MEX3D: variants seen among roughly 807,000 people sequenced by gnomAD.
MEX3D encodes the protein mex-3 RNA binding family member D.
In MEX3D, 4 loss-of-function variants were observed where a neutral mutation model predicts 6.3. The ratio of observed to expected loss-of-function variants is 0.64; its 90% CI spans 0.31 to 1.46. MEX3D has a LOEUF of 1.46. Among genes scored for constraint, MEX3D ranks in the 40% most tolerant of loss-of-function variants. The pLI is 0.07. For synonymous variants in MEX3D, 626 were observed against 494.1 expected, an observed-to-expected ratio of 1.27 and a Z score of -3.54; for missense variants, 1,038 against 994.4, an observed-to-expected ratio of 1.04 and a Z score of -0.59.
Position 1,556,244 on chromosome 19 carries a change from G to A in MEX3D, c.1275C>T (p.Ser425=), listed in dbSNP as rs939556290. The change falls in exon 2 of 2, where the codon AGC becomes AGT. Residue 425 remains serine, a synonymous_variant. Transcript: ENST00000402693. The surrounding 1 kb of genome is among the most constrained non-coding windows in gnomAD (Gnocchi z 7.5). ...AGGCGAAGCCCCCGTTGCCGGAGCC[G>A]CTGTAGGGGCTGGCGGGGCCTGGGT... ...VPDPGPASPY[S]GSGNGGFAFG... 43 of 1,376,298 alleles carry A rather than the reference G, an allele frequency of 3.1e-5. No individual in the cohort carries two copies. The highest frequency in any genetic ancestry group is 6.7e-5 in the Admixed American group (2 of 29,994). The allele number at this position is 1,376,298 out of a possible 1,614,324, so 85.3% of individuals were successfully genotyped here.
intron 1 of MEX3D, among the ~76,000 whole-genome samples, chr19:1,565,646 C>T (rs78374957): frequency 0.06 from 9,103 of 152,258 alleles, 404 homozygotes; most frequent in East Asian, 0.22. Context: ...CGCAGGGCCA[C>T]GGCGGCCTGC....
At position 1,556,237 on chromosome 19, in the gene MEX3D, C is replaced by T. The variant is rs1378353879; in HGVS notation, c.1282G>A (p.Gly428Ser). 7.2e-7 allele frequency: 1 copy of T among 1,396,864 alleles called. No individual in the cohort carries two copies. The highest frequency in any genetic ancestry group is 9.3e-7 in the Non-Finnish European group (1 of 1,076,856). The allele number at this position is 1,396,864 out of a possible 1,614,324, so 86.5% of individuals were successfully genotyped here. The change falls in exon 2 of 2, where the codon GGC (glycine) becomes AGC (serine). Residue 428 changes from glycine (G) to serine (S), a missense_variant. By Grantham distance (56) the Gly-to-Ser change is moderately conservative. This residue lies in a region of MEX3D where 581 missense variants were observed against 516.2 expected (regional missense o/e 1.13). Transcript: ENST00000402693. This position sits in a 1 kb window ranked among gnomAD's most constrained non-coding sequence, Gnocchi z 7.5. Reference sequence around the variant, plus strand: ...GCGCCGAAGGCGAAGCCCCCGTTGCCGGAGCCGCTGTAGGGGCTGGCGGGG... The same window carrying T: ...GCGCCGAAGGCGAAGCCCCCGTTGCTGGAGCCGCTGTAGGGGCTGGCGGGG... ...PGPASPYSGS[G>S]NGGFAFGAEG... is the part of the protein sequence containing the mutation.
In MEX3D at chr19:1,557,829, C is replaced by CCAG. The variant is rs1232485873; in HGVS notation, c.596-909_596-907dup. Among the ~76,000 whole-genome samples, 4 of 127,802 alleles carry CCAG rather than the reference C, an allele frequency of 3.1e-5. No homozygotes were observed. In the East Asian group the frequency reaches 9.1e-4, roughly 29 times the overall value. 83.8% of individuals were successfully genotyped at this position (127,802 alleles called of 152,430 possible). On this transcript the variant is annotated intron_variant, in intron 1 of 1. Transcript: ENST00000402693. ...AGCCGAGATCGCACACCATTGCACT[C>CCAG]CAGCCTGGGTGACAGAGCGAGACTG...
rs1159684115 is a variant in MEX3D, at chr19:1,555,335, T to C, written c.*228A>G. The C allele has an allele frequency of 4.4e-6, 7 of 1,599,884 alleles. No individual in the cohort carries two copies. The highest frequency in any genetic ancestry group is 1.1e-5 in the South Asian group (1 of 90,140). On this transcript the variant is annotated 3_prime_UTR_variant, in exon 2 of 2. Transcript: ENST00000402693. ...GGTTTATTGTAACCTGACCACTCAA[T>C]ACTGTCGTTGAAGGGCTGAGGCGCC...
rs1247849401 is a variant in MEX3D, at chr19:1,556,898, G to A, written c.621C>T (p.Ala207=). 5 of 1,609,002 alleles carry A rather than the reference G, an allele frequency of 3.1e-6. No homozygotes were observed. The Admixed American group carries it at 8.4e-5, about 27-fold the overall frequency. ...RQGCKIKALR[A]KTNTYIKTPV... is the part of the protein sequence containing the mutation. ...GGGTCTTGATGTAGGTGTTTGTCTT[G>A]GCCCGCAGGGCCTTGATCTTGCAGC... Residue 207 remains alanine, a synonymous_variant, in exon 2 of 2, where the codon GCC becomes GCT. Coordinates refer to ENST00000402693, the MANE Select transcript of MEX3D (RefSeq NM_203304.4). This position sits in a 1 kb window ranked among gnomAD's most constrained non-coding sequence, Gnocchi z 7.5.
intron 1 of MEX3D, among the ~76,000 whole-genome samples, chr19:1,558,530 T>A (rs1413740937): frequency 6.6e-6 from 1 of 152,130 alleles, no homozygotes; most frequent in East Asian, 1.9e-4. Flanking sequence ...TTGGAACTTT[T>A]ATCTTACAGA....
intron 1 of MEX3D, among the ~76,000 whole-genome samples, chr19:1,558,182 G>A (rs1204895309): frequency 6.6e-6 from 1 of 151,452 alleles, no homozygotes; most frequent in Admixed American, 6.6e-5. Context: ...CAACACAGCA[G>A]GACCCCATCT....
At position 1,555,437 on chromosome 19, in the gene MEX3D, C is replaced by A; in HGVS notation, c.*126G>T. 1 of 1,472,074 alleles carries A rather than the reference C, an allele frequency of 6.8e-7. No homozygotes were observed. Among genetic ancestry groups the A allele is most frequent in the Non-Finnish European group, 9.1e-7 (1 of 1,095,624 alleles). 91.2% of individuals were successfully genotyped at this position (1,472,074 alleles called of 1,614,324 possible). ...TCTGTAAACACTGGCCGCCGCCCAC[C>A]CCCCTGCCCCCTCGGCCTCCGCCCC... On this transcript the variant is annotated 3_prime_UTR_variant, in exon 2 of 2. Coordinates refer to ENST00000402693, the MANE Select transcript of MEX3D (RefSeq NM_203304.4).
Position 1,556,535 on chromosome 19 carries a change from G to A in MEX3D, c.984C>T (p.Asp328=). ...FAVTGMPENV[D]RAREEIEAHI... is the part of the protein sequence containing the mutation. ...GCGCCTCGATCTCCTCGCGCGCGCG[G>A]TCCACGTTCTCGGGCATCCCAGTGA... The change falls in exon 2 of 2, where the codon GAC becomes GAT. Residue 328 remains aspartate (D), a synonymous_variant. Coordinates refer to ENST00000402693, the MANE Select transcript of MEX3D (RefSeq NM_203304.4). The surrounding 1 kb of genome is among the most constrained non-coding windows in gnomAD (Gnocchi z 7.5). The A allele has an allele frequency of 1.9e-6, 3 of 1,607,258 alleles. No homozygotes were observed. The highest frequency in any genetic ancestry group is 2.5e-6 in the Non-Finnish European group (3 of 1,177,684).
At chr19:1,561,046 G>C (rs1397202904) in intron 1 of MEX3D, among the ~76,000 whole-genome samples, 2 of 152,232 alleles carry the variant, frequency 1.3e-5, no homozygotes, top group African/African-American at 4.8e-5. Context: ...CGGAGGGCTT[G>C]AGATGCCTGG....
chr19:1,567,583 G>T lies in MEX3D; in HGVS notation c.476C>A (p.Pro159His). 6.8e-7 allele frequency: 1 copy of T among 1,480,094 alleles called. No homozygotes were observed. Among genetic ancestry groups the T allele is most frequent in the Non-Finnish European group, 9.0e-7 (1 of 1,114,876 alleles). 91.7% of individuals were successfully genotyped at this position (1,480,094 alleles called of 1,614,324 possible). A position where few individuals can be genotyped will look rare whatever the true frequency, so the allele number is the denominator to read the frequency against. ...CATCTGGTCGGCCAGCAGCGTCGGG[G>T]GCCCCAGGGCCGCGGGGTGGGGCGC... ...GFAPHPAALG[P>H]PTLLADQMSV... The change falls in exon 1 of 2, where the codon CCC (proline) becomes CAC (histidine). Residue 159 changes from proline (P) to histidine (H), a missense_variant. Coordinates refer to ENST00000402693, the MANE Select transcript of MEX3D (RefSeq NM_203304.4). The surrounding 1 kb of genome is among the most constrained non-coding windows in gnomAD (Gnocchi z 6.5).
chr19:1,560,782 C>T (rs915472368), intron 1 of MEX3D, among the ~76,000 whole-genome samples: 5 of 152,264 alleles, frequency 3.3e-5, no homozygotes, highest in South Asian at 2.1e-4. Context: ...ACCTCAAAGA[C>T]GGAGCTGGAG....
chr19:1,560,879 G>A (rs1241977716), intron 1 of MEX3D, among the ~76,000 whole-genome samples: 3 of 152,174 alleles, frequency 2.0e-5, no homozygotes, highest in African/African-American at 4.8e-5. Flanking sequence ...CCAAGGAATC[G>A]GGGCTCCAGG....
intron 1 of MEX3D, among the ~76,000 whole-genome samples, chr19:1,558,112 T>C (rs751785602): frequency 5.4e-5 from 8 of 147,632 alleles, no homozygotes; most frequent in Non-Finnish European, 1.0e-4. Context: ...GTAATCCTAG[T>C]ACTTCGGGAA....
rs577519909 is a variant in MEX3D at position 1,559,873 on chromosome 19, G to A, written c.596-2950C>T. 1.1e-4 allele frequency among the ~76,000 whole-genome samples: 16 copies of A among 152,196 alleles called. No homozygotes were observed. The South Asian group carries it at 2.1e-3, about 20-fold the overall frequency. On this transcript the variant is annotated intron_variant, in intron 1 of 1. Transcript: ENST00000402693. The stretch of plus-strand genomic sequence containing the variant: ...CTCGGAGGAGGACAGCAGTTTTCCC[G>A]CCCCAGCTGCACTGCCACCACACCT...
rs1267045640 is a variant in MEX3D at position 1,567,374 on chromosome 19, G to T, written c.595+90C>A. The T allele has an allele frequency of 7.4e-7, 1 of 1,348,792 alleles. No individual in the cohort carries two copies. The highest frequency in any genetic ancestry group is 9.6e-7 in the Non-Finnish European group (1 of 1,046,880). The allele number at this position is 1,348,792 out of a possible 1,614,324, so 83.6% of individuals were successfully genotyped here. On this transcript the variant is annotated intron_variant, in intron 1 of 1. Transcript: ENST00000402693. This position sits in a 1 kb window ranked among gnomAD's most constrained non-coding sequence, Gnocchi z 6.5. ...GCGTGTCCGGTGCGGGGCGTCCGGCGCGGGCTGGGCTGGGCTCGGGCGACC... is the reference window on the plus strand; with the variant it reads ...GCGTGTCCGGTGCGGGGCGTCCGGCTCGGGCTGGGCTGGGCTCGGGCGACC...
chr19:1,565,056 T>C (rs577542400), intron 1 of MEX3D, among the ~76,000 whole-genome samples: 3 of 152,060 alleles, frequency 2.0e-5, no homozygotes, highest in East Asian at 1.9e-4. Context: ...ACTCCACTTA[T>C]GGGGTGGCCA....
chr19:1,555,743 C>T lies in MEX3D; in HGVS notation c.1776G>A (p.Ser592=), dbSNP rs2277753. Reference sequence around the variant, plus strand: ...CGCACTCTCGCGCCAGGGCCGGGGCCGAGGACGCCGAAGGGGGCTTGCGGC... The same window carrying T: ...CGCACTCTCGCGCCAGGGCCGGGGCTGAGGACGCCGAAGGGGGCTTGCGGC... ...ENSRKPPSAS[S]APALARECVV... is the part of the protein sequence containing the mutation. The change falls in exon 2 of 2, where the codon TCG becomes TCA. Residue 592 remains serine (S), a synonymous_variant. Coordinates refer to ENST00000402693, the MANE Select transcript of MEX3D (RefSeq NM_203304.4). The T allele has an allele frequency of 3.2e-4, 483 of 1,509,328 alleles. 10 individuals carry two copies. The East Asian group carries it at 0.013, about 40-fold the overall frequency. 93.5% of individuals were successfully genotyped at this position (1,509,328 alleles called of 1,614,324 possible).
At chr19:1,565,804 T>A (rs1244474715) in intron 1 of MEX3D, among the ~76,000 whole-genome samples, 1 of 152,176 alleles carries the variant, frequency 6.6e-6, no homozygotes, top group Non-Finnish European at 1.5e-5. Context: ...ACAGACTCCA[T>A]TTCCCATGGA....
Sources: gnomAD v4.1 joint callset for allele counts (sites outside exome capture counted in the v4.1 genomes callset) on GRCh38, gnomAD v4.1.1 for gene constraint, gnomAD v4.1.1 regional missense constraint, Gnocchi (gnomAD v3.1) non-coding constraint, MANE v1.5 for transcripts, NCBI Gene and HGNC (gene_info 2026-07-23, HGNC 2026-07-21) for gene names.